RAB3GAP1: variants seen among roughly 807,000 people sequenced by gnomAD.
RAB3GAP1 encodes the protein RAB3 GTPase activating protein catalytic subunit 1, also known as rab3 GTPase-activating protein catalytic subunit.
A neutral mutation model predicts 130.7 loss-of-function variants in RAB3GAP1; 86 were observed. That is an observed-to-expected ratio of 0.66 (90% CI 0.55 to 0.79). The LOEUF is 0.79. RAB3GAP1 is among the 30% of genes least tolerant of loss of function. The pLI, the probability that RAB3GAP1 is intolerant of heterozygous loss-of-function variation, is 0.00. For synonymous variants in RAB3GAP1, 367 were observed against 401.7 expected (o/e 0.91, Z 1.03); for missense variants, 1,029 against 1,169.4 (o/e 0.88, Z 1.75).
chr2:135,133,937 AT>A lies in RAB3GAP1; in HGVS notation c.1408del (p.Tyr470ThrfsTer5). The A allele has an allele frequency of 1.9e-6, 3 of 1,613,928 alleles. No homozygotes were observed. Among genetic ancestry groups the A allele is most frequent in the Non-Finnish European group, 2.5e-6 (3 of 1,179,834 alleles). On this transcript the variant is annotated frameshift_variant, in exon 15 of 24. Coordinates refer to ENST00000264158, the MANE Select transcript of RAB3GAP1 (RefSeq NM_012233.3). LOFTEE classifies it high-confidence loss of function. ...YKLALCLCMI[N>X]FYHGGLKGVA... Reference sequence around the variant, plus strand: ...CTGGCTTTGTGTCTCTGTATGATCAATTTTTACCATGGAGGGTTGAAAGGAG... The same window carrying A: ...CTGGCTTTGTGTCTCTGTATGATCAATTTTACCATGGAGGGTTGAAAGGAG...
rs987447727 is a variant in RAB3GAP1 at position 135,130,536 on chromosome 2, T to G, written c.1067-16T>G. The G allele has an allele frequency of 2.5e-6, 4 of 1,602,912 alleles. No homozygotes were observed. In the African/African-American group the frequency reaches 5.4e-5, roughly 21 times the overall value. On this transcript the variant is annotated splice_polypyrimidine_tract_variant and intron_variant, in intron 12 of 23. Transcript: ENST00000264158. ...GTTGGTGATATAATTTATATTTATT[T>G]CTGTTCTTTTTATAGAAACTGCTGA...
rs1690208627 is a variant in RAB3GAP1, at chr2:135,093,617, G to A, written c.286G>A (p.Val96Ile). 3.1e-6 allele frequency: 5 copies of A among 1,611,598 alleles called. No homozygotes were observed. The highest frequency in any genetic ancestry group is 3.4e-6 in the Non-Finnish European group (4 of 1,177,726). ...KEGKDELLED[V>I]VPQSMQDLLG... is the part of the protein sequence containing the mutation. ...TTCATTATCAAATGTTTTTGTAGAT[G>A]TTGTTCCACAATCTATGCAAGATTT... Residue 96 changes from valine (V) to isoleucine (I), a missense_variant and splice_region_variant, in exon 5 of 24, where the codon GTT becomes ATT. Transcript: ENST00000264158.
intron 19 of RAB3GAP1, 49 bp downstream of exon 19, chr2:135,153,925 A>G (rs373206341): frequency 7.4e-5 from 114 of 1,542,792 alleles, no homozygotes; most frequent in South Asian, 5.2e-4. Context: ...TACTGTTCTT[A>G]TGATTTAGGA....
At chr2:135,052,355 G>A in intron 1 of RAB3GAP1, 30 bp downstream of exon 1, 2 of 1,614,118 alleles carry the variant, frequency 1.2e-6, no homozygotes, top group Non-Finnish European at 1.7e-6. Context: ...CTTAATCCTT[G>A]TCACTATCTA....
intron 7 of RAB3GAP1, among the ~76,000 whole-genome samples, chr2:135,117,651 TCTG>T (rs1691049050): frequency 6.9e-6 from 1 of 144,718 alleles, no homozygotes; most frequent in Admixed American, 6.9e-5. Context: ...TTCTTCTGCT[TCTG>T]CTTCTTCTGC....
intron 23 of RAB3GAP1, chr2:135,167,583 T>A: frequency 1.2e-6 from 1 of 869,184 alleles, no homozygotes; most frequent in South Asian, 1.5e-5. Context: ...TGTTCCATAA[T>A]GTAGTGCATA....
chr2:135,072,136 C>A (rs1342333182), intron 3 of RAB3GAP1, among the ~76,000 whole-genome samples: 2 of 152,152 alleles, frequency 1.3e-5, no homozygotes, highest in African/African-American at 4.8e-5. Context: ...GTCTCAAACT[C>A]CTGACCTCAA....
At chr2:135,132,845 A>G in intron 13 of RAB3GAP1, 50 bp from the exon 14 acceptor site, 2 of 1,101,160 alleles carry the variant, frequency 1.8e-6, no homozygotes, top group Middle Eastern at 2.1e-4. Flanking sequence ...AAAATCAACA[A>G]AATAGGAAAT....
At chr2:135,135,458 C>A (rs1475891392) in intron 16 of RAB3GAP1, 106 bp from the exon 17 acceptor site, 1 of 1,457,740 alleles carries the variant, frequency 6.9e-7, no homozygotes. Context: ...CTGCAATTCA[C>A]AAGGTCCTGA....
chr2:135,094,700 A>G (rs1690242037), intron 5 of RAB3GAP1, among the ~76,000 whole-genome samples: 1 of 152,134 alleles, frequency 6.6e-6, no homozygotes. Context: ...ACACACTTAA[A>G]TGACTATCCA....
chr2:135,150,277 A>C (rs1692137795), intron 17 of RAB3GAP1, 92 bp from the exon 18 acceptor site: 2 of 1,481,664 alleles, frequency 1.3e-6, no homozygotes, highest in South Asian at 2.3e-5. Context: ...TGACTGCTAT[A>C]GCTGAAATGA....
At chr2:135,130,445 T>A (rs1227976642) in intron 12 of RAB3GAP1, 107 bp from the exon 13 acceptor site, 1 of 908,818 alleles carries the variant, frequency 1.1e-6, no homozygotes, top group African/African-American at 1.7e-5. Flanking sequence ...CATGTAACAC[T>A]AGTAAAAAGA....
chr2:135,090,595 A>G (rs1220799502), intron 3 of RAB3GAP1, among the ~76,000 whole-genome samples: 2 of 152,196 alleles, frequency 1.3e-5, no homozygotes, highest in Non-Finnish European at 2.9e-5. Flanking sequence ...TAAAAGAAGC[A>G]GGAATCTGTT....
chr2:135,135,551 CTCTTT>C lies in RAB3GAP1; in HGVS notation c.1555-8_1555-4del, dbSNP rs776042162. On this transcript the variant is annotated splice_region_variant and splice_polypyrimidine_tract_variant and intron_variant, in intron 16 of 23. Transcript: ENST00000264158. ...ACTAATTCAACTATAAATGTTATTTCTCTTTTCTTAAGATGTTAAATTGTTGTATT... is the reference window on the plus strand; with the variant it reads ...ACTAATTCAACTATAAATGTTATTTCTCTTAAGATGTTAAATTGTTGTATT... 22 of 1,580,418 alleles carry C rather than the reference CTCTTT, an allele frequency of 1.4e-5. No individual in the cohort carries two copies. Among genetic ancestry groups the C allele is most frequent in the East Asian group, 6.7e-5 (3 of 44,638 alleles).
chr2:135,089,687 A>G (rs1262843350), intron 3 of RAB3GAP1: 4 of 187,552 alleles, frequency 2.1e-5, no homozygotes, highest in Admixed American at 6.1e-5. Flanking sequence ...AACCAACCCA[A>G]ATGTCCATCA....
chr2:135,167,215 T>C (rs966328929), intron 23 of RAB3GAP1, among the ~76,000 whole-genome samples: 1 of 152,200 alleles, frequency 6.6e-6, no homozygotes, highest in Non-Finnish European at 1.5e-5. Flanking sequence ...TTCTTTAAAA[T>C]TATAAATAGT....
intron 19 of RAB3GAP1, 190 bp from the exon 20 acceptor site, chr2:135,162,365 A>C: frequency 1.6e-6 from 1 of 606,930 alleles, no homozygotes; most frequent in Non-Finnish European, 2.9e-6. Flanking sequence ...GAATATTTAT[A>C]ATTATTAAAG....
intron 15 of RAB3GAP1, 102 bp downstream of exon 15, chr2:135,134,135 A>G: frequency 1.5e-6 from 2 of 1,312,928 alleles, no homozygotes; most frequent in Non-Finnish European, 2.2e-6. Context: ...CTGCCCTAAG[A>G]AAGTGGCAAG....
At chr2:135,144,223 G>A (rs770485541) in intron 17 of RAB3GAP1, among the ~76,000 whole-genome samples, 25 of 152,204 alleles carry the variant, frequency 1.6e-4, no homozygotes, top group Non-Finnish European at 2.6e-4. Context: ...ATGAATTTAC[G>A]TTGACAATCA....
Sources: allele counts gnomAD v4.1 joint callset (sites outside exome capture counted in the v4.1 genomes callset), GRCh38; gene constraint gnomAD v4.1.1; transcripts MANE v1.5; gene names NCBI Gene and HGNC (gene_info 2026-07-23, HGNC 2026-07-21).